The following FER1L6 variants were observed in gnomAD, a reference collection of about 807,000 sequenced individuals.
The protein encoded by FER1L6 is fer-1-like protein 6.
FER1L6 carries 177 observed loss-of-function variants against 219.2 expected under a neutral mutation model. That is an observed-to-expected ratio of 0.81 (90% confidence interval 0.71 to 0.91). The LOEUF (loss-of-function observed/expected upper bound fraction) is 0.91. Ranked by LOEUF, FER1L6 falls within the 40% of genes least tolerant of loss-of-function variation. The pLI is 0.00. For missense variants in FER1L6, 2,153 were observed against 2,259.9 expected (o/e 0.95, Z 0.96); for synonymous variants, 768 against 824.3 (o/e 0.93, Z 1.17).
At chr8:123,933,931 C>T (rs1422842048) in intron 1 of FER1L6, among the ~76,000 whole-genome samples, 1 of 152,044 alleles carries the variant, frequency 6.6e-6, no homozygotes, top group Non-Finnish European at 1.5e-5. Flanking sequence ...TGGTAGTTAA[C>T]ATTTCACCAT....
chr8:124,036,756 G>T (rs751381217), intron 19 of FER1L6, among the ~76,000 whole-genome samples: 7 of 152,168 alleles, frequency 4.6e-5, no homozygotes, highest in Non-Finnish European at 7.4e-5. Context: ...TCAGAGAAGA[G>T]GAAAGACTTT....
intron 1 of FER1L6, among the ~76,000 whole-genome samples, chr8:123,874,523 A>G (rs376788445): frequency 6.6e-6 from 1 of 152,200 alleles, no homozygotes; most frequent in African/African-American, 2.4e-5. Context: ...GAAAATAGTA[A>G]TACTCAGAAA....
intron 1 of FER1L6, among the ~76,000 whole-genome samples, chr8:123,876,419 A>G: frequency 6.6e-6 from 1 of 152,122 alleles, no homozygotes; most frequent in East Asian, 1.9e-4. Context: ...CCTGGGCTCA[A>G]GAGATCCTCC....
At chr8:123,867,589 A>G (rs188237497) in intron 1 of FER1L6, among the ~76,000 whole-genome samples, 12 of 152,324 alleles carry the variant, frequency 7.9e-5, no homozygotes, top group African/African-American at 2.9e-4. Flanking sequence ...TTACAAAATG[A>G]GAACAATCTC....
intron 1 of FER1L6, among the ~76,000 whole-genome samples, chr8:123,857,240 T>C (rs979103536): frequency 2.6e-5 from 4 of 152,236 alleles, no homozygotes; most frequent in African/African-American, 9.6e-5. Context: ...CTTGGCACGA[T>C]GGCTCATGCC....
Position 124,106,944 on chromosome 8 carries a change from CTTTT to C in FER1L6, c.5289+3654_5289+3657del, listed in dbSNP as rs10561745. The stretch of plus-strand genomic sequence containing the variant: ...CTAGTATAAGAGATTATAAGGTTTT[CTTTT>C]TTTTTTTTTTTTTTTTTTGAGACAG... On this transcript the variant is annotated intron_variant, in intron 39 of 40. Transcript: ENST00000522917. Among the ~76,000 whole-genome samples the C allele has an allele frequency of 1.6e-3, 202 of 127,772 alleles. 8 individuals are homozygous for C. The highest frequency in any genetic ancestry group is 1.9e-3 in the Non-Finnish European group (109 of 58,610). 83.8% of individuals were successfully genotyped at this position (127,772 alleles called of 152,430 possible).
At position 124,049,681 on chromosome 8, in the gene FER1L6, C is replaced by G. The variant is rs1819912473; in HGVS notation, c.2799C>G (p.Pro933=). 1 of 1,613,938 alleles carries G rather than the reference C, an allele frequency of 6.2e-7. No individual in the cohort carries two copies. The highest frequency in any genetic ancestry group is 8.5e-7 in the Non-Finnish European group (1 of 1,179,982). ...TGGCTGACCAGGACTATGAGCCCCC[C>G]AGGTTATGCTATCACCCCATCTTTT... ...VKLADQDYEP[P]RLCYHPIFCG... is the part of the protein sequence containing the mutation. Residue 933 remains proline (P), a synonymous_variant, in exon 22 of 41, where the codon CCC becomes CCG. Coordinates refer to ENST00000522917, the MANE Select transcript of FER1L6 (RefSeq NM_001039112.2).
intron 1 of FER1L6, among the ~76,000 whole-genome samples, chr8:123,946,775 C>A (rs1814511222): frequency 6.6e-6 from 1 of 151,910 alleles, no homozygotes; most frequent in South Asian, 2.1e-4. Context: ...TTATTATAAT[C>A]TCTCCCAATT....
chr8:124,109,326 T>C (rs945879175), intron 39 of FER1L6, among the ~76,000 whole-genome samples: 2 of 152,120 alleles, frequency 1.3e-5, no homozygotes, highest in Admixed American at 1.3e-4. Flanking sequence ...CAAATAGGCT[T>C]TCCAGTTGAT....
chr8:123,878,408 C>A (rs780868077), intron 1 of FER1L6, among the ~76,000 whole-genome samples: 18 of 152,118 alleles, frequency 1.2e-4, no homozygotes, highest in African/African-American at 4.3e-4. Flanking sequence ...TGATTAACAC[C>A]CGAATTTCAT....
intron 20 of FER1L6, among the ~76,000 whole-genome samples, chr8:124,045,258 C>G (rs1031175452): frequency 6.6e-6 from 1 of 152,184 alleles, no homozygotes; most frequent in Non-Finnish European, 1.5e-5. Context: ...AGGTTAGCAG[C>G]CTGCCTGGGC....
chr8:123,925,203 C>G (rs928046901), intron 1 of FER1L6, among the ~76,000 whole-genome samples: 15 of 152,190 alleles, frequency 9.9e-5, no homozygotes, highest in African/African-American at 3.4e-4. Flanking sequence ...AGGAGGGAGA[C>G]AGTCTAGGGT....
intron 15 of FER1L6, among the ~76,000 whole-genome samples, chr8:124,016,373 G>A (rs1818199669): frequency 1.3e-5 from 2 of 152,152 alleles, no homozygotes; most frequent in African/African-American, 4.8e-5. Flanking sequence ...ACCTTGGGCT[G>A]GGTGGTGTGG....
chr8:123,915,274 C>T (rs1324728906), intron 1 of FER1L6, among the ~76,000 whole-genome samples: 1 of 152,130 alleles, frequency 6.6e-6, no homozygotes, highest in East Asian at 1.9e-4. Flanking sequence ...GGGGTTAAAA[C>T]TTTGCCTTCA....
At chr8:123,942,083 A>G (rs1814264768) in intron 1 of FER1L6, among the ~76,000 whole-genome samples, 1 of 152,082 alleles carries the variant, frequency 6.6e-6, no homozygotes, top group Admixed American at 6.5e-5. Flanking sequence ...CTTCCTTTGC[A>G]TGTCTTTTTA....
intron 18 of FER1L6, among the ~76,000 whole-genome samples, chr8:124,029,882 A>AT (rs1818881286): frequency 6.6e-6 from 1 of 152,000 alleles, no homozygotes; most frequent in Non-Finnish European, 1.5e-5. Context: ...TTCTTCTAGG[A>AT]TTTTTATGGT....
intron 1 of FER1L6, among the ~76,000 whole-genome samples, chr8:123,902,216 T>A (rs1448978132): frequency 2.0e-5 from 3 of 152,356 alleles, no homozygotes; most frequent in Admixed American, 1.3e-4. Context: ...AGGCTCATTT[T>A]ATGGCCTATC....
At chr8:124,086,923 C>A (rs1412035597) in intron 33 of FER1L6, among the ~76,000 whole-genome samples, 1 of 152,112 alleles carries the variant, frequency 6.6e-6, no homozygotes, top group Non-Finnish European at 1.5e-5. Flanking sequence ...TCTCTCCTGG[C>A]CTATAAGGTT....
At chr8:124,045,323 A>G (rs1279668525) in intron 20 of FER1L6, among the ~76,000 whole-genome samples, 1 of 152,188 alleles carries the variant, frequency 6.6e-6, no homozygotes, top group Non-Finnish European at 1.5e-5. Flanking sequence ...CTGGCTCTGG[A>G]CAAGTGAGCC....
Sources: allele counts gnomAD v4.1 joint callset (sites outside exome capture counted in the v4.1 genomes callset), GRCh38; gene constraint gnomAD v4.1.1; transcripts MANE v1.5; gene names NCBI Gene and HGNC (gene_info 2026-07-23, HGNC 2026-07-21).